Variants in ZFP64 observed in about 807,000 individuals in gnomAD.
The protein encoded by ZFP64 is ZFP64 zinc finger protein.
ZFP64 carries 14 observed loss-of-function variants against 51.6 expected under a neutral mutation model. The ratio of observed to expected loss-of-function variants is 0.27; its 90% confidence interval spans 0.18 to 0.42. The LOEUF is 0.42. Ranked by LOEUF, ZFP64 falls within the 10% of genes least tolerant of loss-of-function variation. The pLI, the probability that ZFP64 is intolerant of heterozygous loss-of-function variation, is 1.00. For missense variants in ZFP64, 754 were observed against 906.8 expected (o/e 0.83, Z 2.16); for synonymous variants, 375 against 361.4 (o/e 1.04, Z -0.43).
At chr20:52,113,109 C>A (rs1287119205) in intron 5 of ZFP64, among the ~76,000 whole-genome samples, 2 of 151,974 alleles carry the variant, frequency 1.3e-5, no homozygotes, top group Non-Finnish European at 2.9e-5. Flanking sequence ...CTGAGGCAGG[C>A]AGATCACGAG....
intron 7 of ZFP64, chr20:52,089,087 A>T (rs1435933604): frequency 5.8e-6 from 3 of 515,870 alleles, no homozygotes; most frequent in Non-Finnish European, 1.2e-5. Context: ...GAAAAAGAAT[A>T]CAAGGGCCTG....
chr20:52,187,057 T>C lies in ZFP64; in HGVS notation c.61A>G (p.Thr21Ala), dbSNP rs771765759. The C allele has an allele frequency of 3.1e-5, 50 of 1,607,906 alleles. No individual in the cohort carries two copies. The highest frequency in any genetic ancestry group is 1.1e-5 in the South Asian group (1 of 90,980). ...TCGGGAGTCAGCTCCACCAGCACCG[T>C]TGTGCCACCTGGAACTCCATGGGAC... is the stretch of plus-strand genomic sequence containing the variant. ...AGSVQIPGGTTVLVELTPDIH... is the reference protein window; with the variant it reads ...AGSVQIPGGTAVLVELTPDIH... The change falls in exon 2 of 6, where the codon ACG becomes GCG. Residue 21 changes from threonine to alanine, a missense_variant. Around this residue, in one of 3 missense-constraint regions of ZFP64, gnomAD observed 95 missense variants for 97.7 expected, o/e 0.97. Coordinates refer to ENST00000216923, the MANE Select transcript of ZFP64 (RefSeq NM_018197.3).
At position 52,153,868 on chromosome 20, in the gene ZFP64, C is replaced by T. The variant is rs976522133; in HGVS notation, c.764-440G>A. On this transcript the variant is annotated intron_variant, in intron 5 of 5. Coordinates refer to ENST00000216923, the MANE Select transcript of ZFP64 (RefSeq NM_018197.3). This position sits in a 1 kb window ranked among gnomAD's most constrained non-coding sequence, Gnocchi z 5.1. ...AATATATTTTCGAATGGGTCAGCTCCGTGCTGCACTCATTGGAGTATGGTT... is the reference window on the plus strand; with the variant it reads ...AATATATTTTCGAATGGGTCAGCTCTGTGCTGCACTCATTGGAGTATGGTT... Among the ~76,000 whole-genome samples the T allele has an allele frequency of 6.6e-6, 1 of 152,124 alleles. No homozygotes were observed. The highest frequency in any genetic ancestry group is 1.5e-5 in the Non-Finnish European group (1 of 68,020).
At position 52,187,632 on chromosome 20, in the gene ZFP64, AT is replaced by A. The variant is rs779043152; in HGVS notation, c.47-562del. 3.1e-4 allele frequency among the ~76,000 whole-genome samples: 47 copies of A among 151,942 alleles called. 1 individual carries two copies. Among genetic ancestry groups the A allele is most frequent in the South Asian group, 6.3e-4 (3 of 4,788 alleles). Reference sequence around the variant, plus strand: ...AGTGAAACTCTGTCTCAAAAAAAAAATAATTTTTTTTTTCAGAAAATTATGA... The same window carrying A: ...AGTGAAACTCTGTCTCAAAAAAAAAAAATTTTTTTTTTCAGAAAATTATGA... On this transcript the variant is annotated intron_variant, in intron 1 of 5. Transcript: ENST00000216923.
chr20:52,137,283 G>C (rs1337025093), intron 5 of ZFP64, among the ~76,000 whole-genome samples: 1 of 152,142 alleles, frequency 6.6e-6, no homozygotes, highest in African/African-American at 2.4e-5. Context: ...TGACTGGCTA[G>C]AATGAGCCAC....
At chr20:52,177,889 G>A (rs1983347386) in intron 2 of ZFP64, among the ~76,000 whole-genome samples, 1 of 152,002 alleles carries the variant, frequency 6.6e-6, no homozygotes, top group Non-Finnish European at 1.5e-5. Context: ...AAAATTAGCT[G>A]GGTGTGGCAG....
At position 52,153,108 on chromosome 20, in the gene ZFP64, C is replaced by T; in HGVS notation, c.1084G>A (p.Glu362Lys). 2 of 1,614,182 alleles carry T rather than the reference C, an allele frequency of 1.2e-6. No homozygotes were observed. The highest frequency in any genetic ancestry group is 1.7e-6 in the Non-Finnish European group (2 of 1,180,042). Reference sequence around the variant, plus strand: ...GGGCGGTCGGTGCAGTGGATACGCTCGTGGATGCGCAGGGCGGCCTTGCTG... The same window carrying T: ...GGGCGGTCGGTGCAGTGGATACGCTTGTGGATGCGCAGGGCGGCCTTGCTG... The part of the protein sequence containing the change: ...CSSKAALRIH[E>K]RIHCTDRPFK... The change falls in exon 6 of 6, where the codon GAG becomes AAG. Residue 362 changes from glutamate (E) to lysine (K), a missense_variant. Physicochemically the swap from Glu to Lys is moderately conservative, Grantham distance 56. Coordinates refer to ENST00000216923, the MANE Select transcript of ZFP64 (RefSeq NM_018197.3). This position sits in a 1 kb window ranked among gnomAD's most constrained non-coding sequence, Gnocchi z 5.1.
At chr20:52,084,516 T>G (rs966168236) in exon 9 of ZFP64, 1 of 1,569,480 alleles carries the variant, frequency 6.4e-7, no homozygotes, top group Non-Finnish European at 8.6e-7. Flanking sequence ...GCAACAGCAC[T>G]GGTCAGAAGT....
chr20:52,109,795 A>AAAG (rs1555880822), intron 5 of ZFP64, among the ~76,000 whole-genome samples: 2 of 151,460 alleles, frequency 1.3e-5, no homozygotes, highest in East Asian at 3.9e-4. Flanking sequence ...AAAAAAAAAA[A>AAAG]AAAAAAAGAA....
At chr20:52,114,268 C>A (rs1600720288) in intron 5 of ZFP64, among the ~76,000 whole-genome samples, 1 of 152,232 alleles carries the variant, frequency 6.6e-6, no homozygotes, top group Admixed American at 6.5e-5. Context: ...CGTGAGCCAG[C>A]TATTCCATGC....
intron 5 of ZFP64, among the ~76,000 whole-genome samples, chr20:52,115,540 G>A (rs1978820233): frequency 2.0e-5 from 3 of 149,296 alleles, no homozygotes; most frequent in South Asian, 2.2e-4. Context: ...TCAGCCTCCC[G>A]AGTAGCTGGG....
chr20:52,086,478 A>ATT (rs11476509), intron 8 of ZFP64, among the ~76,000 whole-genome samples: 230 of 142,608 alleles, frequency 1.6e-3, no homozygotes, highest in South Asian at 4.7e-3. Context: ...TTCACAAGGA[A>ATT]TTTTTTTTTT....
intron 5 of ZFP64, among the ~76,000 whole-genome samples, chr20:52,156,892 G>A (rs1440282259): frequency 6.6e-6 from 1 of 152,174 alleles, no homozygotes; most frequent in Non-Finnish European, 1.5e-5. Flanking sequence ...AACAGTGAAA[G>A]TGTTTTATAA....
At chr20:52,174,826 G>T (rs980288452) in intron 2 of ZFP64, among the ~76,000 whole-genome samples, 7 of 151,996 alleles carry the variant, frequency 4.6e-5, no homozygotes, top group African/African-American at 1.5e-4. Flanking sequence ...TTATTACTTG[G>T]TGATTATATA....
intron 5 of ZFP64, among the ~76,000 whole-genome samples, chr20:52,155,642 G>A (rs192661181): frequency 1.3e-5 from 2 of 150,814 alleles, no homozygotes; most frequent in African/African-American, 4.9e-5. Context: ...AAATTCCTTT[G>A]TCTTTTTTTT....
At chr20:52,149,923 T>C (rs574083157), downstream of ZFP64, among the ~76,000 whole-genome samples, 6 of 152,172 alleles carry the variant, frequency 3.9e-5, no homozygotes, top group African/African-American at 1.2e-4. Flanking sequence ...AAAAGATTGA[T>C]AGGGGCCAGG....
chr20:52,110,721 C>A (rs1978515386), intron 5 of ZFP64: 2 of 1,590,574 alleles, frequency 1.3e-6, no homozygotes, highest in Admixed American at 1.7e-5. Context: ...TGGCTCCAAC[C>A]TTAACTGCCC....
intron 2 of ZFP64, among the ~76,000 whole-genome samples, chr20:52,183,859 C>T (rs1983780887): frequency 6.6e-6 from 1 of 152,090 alleles, no homozygotes; most frequent in African/African-American, 2.4e-5. Context: ...AGTTGGTTTC[C>T]TTTTTATTTT....
At chr20:52,128,377 A>G (rs1191082461) in intron 5 of ZFP64, among the ~76,000 whole-genome samples, 1 of 152,226 alleles carries the variant, frequency 6.6e-6, no homozygotes, top group Admixed American at 6.5e-5. Flanking sequence ...CCCACCCACC[A>G]TAATGTCAAT....
Sources: allele counts gnomAD v4.1 joint callset (sites outside exome capture counted in the v4.1 genomes callset), GRCh38; gene constraint gnomAD v4.1.1; regional missense constraint gnomAD v4.1.1; non-coding constraint Gnocchi (gnomAD v3.1); transcripts MANE v1.5; gene names NCBI Gene and HGNC (gene_info 2026-07-23, HGNC 2026-07-21).